COQ8A: variants seen among roughly 807,000 people sequenced by gnomAD.
The protein encoded by COQ8A is coenzyme Q8A, also known as atypical kinase COQ8A, mitochondrial.
In COQ8A, 51 loss-of-function variants were observed where a neutral mutation model predicts 65.0. That is an observed-to-expected ratio of 0.78 (90% CI 0.63 to 0.99). COQ8A has a LOEUF of 0.99. COQ8A is among the 50% of genes least tolerant of loss of function. The pLI is 0.00. For synonymous variants in COQ8A, 371 were observed against 353.2 expected, an observed-to-expected ratio of 1.05 and a Z score of -0.57; for missense variants, 940 against 875.0, an observed-to-expected ratio of 1.07 and a Z score of -0.94.
chr1:226,957,256 A>C (rs1232753104), intron 1 of COQ8A, among the ~76,000 whole-genome samples: 21 of 59,790 alleles, frequency 3.5e-4, no homozygotes, highest in African/African-American at 6.6e-4. Flanking sequence ...CCTGGCTCCT[A>C]CTCTCCCAGA....
At position 226,986,774 on chromosome 1, in the gene COQ8A, T is replaced by A; in HGVS notation, c.*37T>A. 6.2e-7 allele frequency: 1 copy of A among 1,601,010 alleles called. No homozygotes were observed. The highest frequency in any genetic ancestry group is 8.5e-7 in the Non-Finnish European group (1 of 1,177,126). On this transcript the variant is annotated 3_prime_UTR_variant, in exon 15 of 15. Transcript: ENST00000366777. ...ACGCCCAGGCCGGCTCCGCGGGAACTCTCTCCCTCAGACAGGCCAAAAACC... is the reference window on the plus strand; with the variant it reads ...ACGCCCAGGCCGGCTCCGCGGGAACACTCTCCCTCAGACAGGCCAAAAACC...
chr1:226,948,543 A>G (rs975259244), intron 1 of COQ8A, among the ~76,000 whole-genome samples: 1 of 152,218 alleles, frequency 6.6e-6, no homozygotes, highest in Non-Finnish European at 1.5e-5. Context: ...AGATTTAAAG[A>G]CAACCCTGTA....
chr1:226,985,408 A>G, intron 14 of COQ8A, 68 bp downstream of exon 14: 1 of 1,568,304 alleles, frequency 6.4e-7, no homozygotes, highest in Non-Finnish European at 8.8e-7. Flanking sequence ...GTAAGAATGG[A>G]TGAAAGCACA....
intron 5 of COQ8A, among the ~76,000 whole-genome samples, chr1:226,978,205 ACAC>A (rs1659385221): frequency 1.0e-5 from 1 of 98,516 alleles, no homozygotes; most frequent in Non-Finnish European, 2.5e-5. Context: ...TCATACCTGC[ACAC>A]CTCCTTACAC....
chr1:226,986,242 C>A (rs1230469946), intron 14 of COQ8A, among the ~76,000 whole-genome samples: 1 of 152,208 alleles, frequency 6.6e-6, no homozygotes. Context: ...ACAGGCCCCG[C>A]CACTCCCTTT....
intron 1 of COQ8A, among the ~76,000 whole-genome samples, chr1:226,957,299 C>T (rs1657862180): frequency 6.7e-6 from 1 of 150,248 alleles, no homozygotes; most frequent in Non-Finnish European, 1.5e-5. Flanking sequence ...CCCCCCACCT[C>T]CCTGGTTCAC....
At chr1:226,986,233 C>G (rs1479349654) in intron 14 of COQ8A, among the ~76,000 whole-genome samples, 2 of 152,132 alleles carry the variant, frequency 1.3e-5, no homozygotes, top group Non-Finnish European at 2.9e-5. Context: ...CACTCTGCCA[C>G]AGGCCCCGCC....
At chr1:226,945,922 T>A (rs1026463664) in intron 1 of COQ8A, among the ~76,000 whole-genome samples, 1 of 152,194 alleles carries the variant, frequency 6.6e-6, no homozygotes, top group East Asian at 1.9e-4. Context: ...TAAAAATCAC[T>A]TTTTGAACAG....
At position 226,955,091 on chromosome 1, in the gene COQ8A, G is replaced by A. The variant is rs557535001; in HGVS notation, c.-9-6286G>A. On this transcript the variant is annotated intron_variant, in intron 1 of 14. Transcript: ENST00000366777. Reference sequence around the variant, plus strand: ...AGGGAAGGGCAGAGCCATGGTGAACGGTTGCTGCATCACCCAGTGGGAATA... The same window carrying A: ...AGGGAAGGGCAGAGCCATGGTGAACAGTTGCTGCATCACCCAGTGGGAATA... 2.2e-4 allele frequency among the ~76,000 whole-genome samples: 33 copies of A among 152,214 alleles called. 2 individuals carry two copies. The highest frequency in any genetic ancestry group is 1.5e-3 in the East Asian group (8 of 5,182).
In COQ8A at chr1:226,965,847, A is replaced by T; in HGVS notation, c.655+110A>T. ...AATATCCCGGGGAGGGCGTTGGGGG[A>T]GCAGGTGGCGGTGGCCGCCCCTGCA... On this transcript the variant is annotated intron_variant, in intron 4 of 14. Coordinates refer to ENST00000366777, the MANE Select transcript of COQ8A (RefSeq NM_020247.5). 2.4e-6 allele frequency: 3 copies of T among 1,261,084 alleles called. No homozygotes were observed. In the South Asian group the frequency reaches 3.7e-5, roughly 15 times the overall value. 78.1% of individuals were successfully genotyped at this position (1,261,084 alleles called of 1,614,324 possible).
chr1:226,941,485 G>A (rs994208620), intron 1 of COQ8A, among the ~76,000 whole-genome samples: 2 of 152,168 alleles, frequency 1.3e-5, no homozygotes, highest in Admixed American at 6.5e-5. Context: ...AGACTCAGGC[G>A]GCTGGGTGCG....
At position 226,948,494 on chromosome 1, in the gene COQ8A, A is replaced by G. The variant is rs550599518; in HGVS notation, c.-10+8095A>G. ...GTGGTATGGGTATCTTTGAGACACC[A>G]TTATTCAGCCTACCACAGCCACCCA... is the stretch of plus-strand genomic sequence containing the variant. On this transcript the variant is annotated intron_variant, in intron 1 of 14. Coordinates refer to ENST00000366777, the MANE Select transcript of COQ8A (RefSeq NM_020247.5). Among the ~76,000 whole-genome samples, 20 of 152,330 alleles carry G rather than the reference A, an allele frequency of 1.3e-4. No homozygotes were observed. In the South Asian group the frequency reaches 3.7e-3, roughly 28 times the overall value.
chr1:226,942,089 C>T (rs191304166), intron 1 of COQ8A, among the ~76,000 whole-genome samples: 1 of 152,176 alleles, frequency 6.6e-6, no homozygotes, highest in East Asian at 1.9e-4. Flanking sequence ...CCCTTCTAGC[C>T]GTTGTGACCA....
At position 226,946,335 on chromosome 1, in the gene COQ8A, G is replaced by A. The variant is rs1398763798; in HGVS notation, c.-10+5936G>A. Among the ~76,000 whole-genome samples, 1 of 152,184 alleles carries A rather than the reference G, an allele frequency of 6.6e-6. No individual in the cohort carries two copies. The highest frequency in any genetic ancestry group is 1.5e-5 in the Non-Finnish European group (1 of 68,032). ...GCAGGGTGGCCAAGATTCCAGCAGGGGAAATGATATTCCATGGGGAGGAGG... is the reference window on the plus strand; with the variant it reads ...GCAGGGTGGCCAAGATTCCAGCAGGAGAAATGATATTCCATGGGGAGGAGG... On this transcript the variant is annotated intron_variant, in intron 1 of 14. Transcript: ENST00000366777. The surrounding 1 kb of genome is among the most constrained non-coding windows in gnomAD (Gnocchi z 5.3).
At chr1:226,942,438 G>A (rs1558175038) in intron 1 of COQ8A, among the ~76,000 whole-genome samples, 1 of 152,076 alleles carries the variant, frequency 6.6e-6, no homozygotes, top group Non-Finnish European at 1.5e-5. Flanking sequence ...TGGAGAATTA[G>A]AAGACTGGTA....
chr1:226,977,172 C>T (rs186809034), intron 4 of COQ8A, among the ~76,000 whole-genome samples: 12 of 152,168 alleles, frequency 7.9e-5, no homozygotes, highest in East Asian at 3.9e-4. Flanking sequence ...TTGGGGTGTC[C>T]GTGTGCCCGT....
chr1:226,984,826 C>T (rs777954068), intron 12 of COQ8A, 50 bp from the exon 13 acceptor site: 10 of 1,596,828 alleles, frequency 6.3e-6, no homozygotes, highest in Middle Eastern at 1.7e-4. Flanking sequence ...CCCACACACC[C>T]GCACCATGGA....
Position 226,979,798 on chromosome 1 carries a change from C to T in COQ8A, c.731-2229C>T, listed in dbSNP as rs933348402. Among the ~76,000 whole-genome samples the T allele has an allele frequency of 4.6e-5, 7 of 152,270 alleles. No individual in the cohort carries two copies. In the East Asian group the frequency reaches 5.8e-4, roughly 13 times the overall value. On this transcript the variant is annotated intron_variant, in intron 5 of 14. Transcript: ENST00000366777. ...GCACGTCCTTGGAAGGGGCTGAGGA[C>T]GGAGGGCTTAGCAAGGGTATTTTTA...
intron 1 of COQ8A, among the ~76,000 whole-genome samples, chr1:226,955,737 C>T (rs1657681678): frequency 7.2e-6 from 1 of 138,162 alleles, no homozygotes; most frequent in African/African-American, 2.9e-5. Flanking sequence ...CTGGCTCCCA[C>T]TCTCCCTGGT....
Sources: allele counts gnomAD v4.1 joint callset (sites outside exome capture counted in the v4.1 genomes callset), GRCh38; gene constraint gnomAD v4.1.1; non-coding constraint Gnocchi (gnomAD v3.1); transcripts MANE v1.5; gene names NCBI Gene and HGNC (gene_info 2026-07-23, HGNC 2026-07-21).